Variants in CELF2 observed in about 807,000 individuals in gnomAD.
CELF2 encodes the protein CUG triplet repeat RNA-binding protein 2.
CELF2 carries 8 observed loss-of-function variants against 62.6 expected under a neutral mutation model. The ratio of observed to expected loss-of-function variants is 0.13; its 90% CI spans 0.07 to 0.23. CELF2 has a LOEUF of 0.23. Ranked by LOEUF, CELF2 falls within the 10% of genes least tolerant of loss-of-function variation. The pLI is 1.00. For missense variants in CELF2, 333 were observed against 671.0 expected (o/e 0.50, Z 5.56); for synonymous variants, 258 against 250.0 (o/e 1.03, Z -0.30).
At chr10:10,501,494 T>C in the CELF2 span, among the ~76,000 whole-genome samples, 1 of 152,214 alleles carries the variant, frequency 6.6e-6, no homozygotes, top group Non-Finnish European at 1.5e-5. Flanking sequence ...GAATTCTTTA[T>C]ACATTCTGAA....
chr10:10,939,274 GTGGTGTTGTTGT>G (rs2046768021), intron 2 of CELF2, among the ~76,000 whole-genome samples: 1 of 98,720 alleles, frequency 1.0e-5, no homozygotes, highest in African/African-American at 6.7e-5. Flanking sequence ...CTTTTGTTTT[GTGGTGTTGTTGT>G]TGTTGTTGTT....
chr10:10,681,069 T>C, the CELF2 span, among the ~76,000 whole-genome samples: 4 of 152,312 alleles, frequency 2.6e-5, no homozygotes, highest in Admixed American at 2.6e-4. Flanking sequence ...GAATTAATGA[T>C]CTAGATATTC....
At chr10:10,612,489 G>GA in the CELF2 span, among the ~76,000 whole-genome samples, 1 of 152,062 alleles carries the variant, frequency 6.6e-6, no homozygotes, top group African/African-American at 2.4e-5. Flanking sequence ...GCCAGAGGGA[G>GA]AAAATGAACC....
At chr10:10,655,798 G>A in the CELF2 span, among the ~76,000 whole-genome samples, 10,845 of 134,312 alleles carry the variant, frequency 0.081, 939 homozygotes, top group East Asian at 0.22. Flanking sequence ...TTACCATTCA[G>A]GACATAGGCA....
intron 1 of CELF2, among the ~76,000 whole-genome samples, chr10:10,905,921 C>T (rs1242536791): frequency 1.3e-5 from 2 of 149,136 alleles, no homozygotes; most frequent in African/African-American, 2.5e-5. Context: ...GAAAAAAATA[C>T]TTAGCCGGGC....
At chr10:11,291,468 A>C (rs551884209) in intron 9 of CELF2, among the ~76,000 whole-genome samples, 1 of 152,354 alleles carries the variant, frequency 6.6e-6, no homozygotes, top group South Asian at 2.1e-4. Context: ...AAATTAAAAT[A>C]GTTTAAATTG....
intron 1 of CELF2, among the ~76,000 whole-genome samples, chr10:11,087,657 G>A (rs1176284166): frequency 1.3e-5 from 2 of 152,212 alleles, no homozygotes; most frequent in Admixed American, 1.3e-4. Context: ...TATTCAGTCA[G>A]TAGGAATAAT....
the CELF2 span, among the ~76,000 whole-genome samples, chr10:10,475,476 CAAA>C: frequency 2.5e-4 from 36 of 143,458 alleles, no homozygotes; most frequent in Non-Finnish European, 2.6e-4. Context: ...CTTGGCCACT[CAAA>C]AAAAAAAAAA....
chr10:11,244,309 A>AGGGAT lies in CELF2; in HGVS notation c.355-4844_355-4843insGGGAT, dbSNP rs2074941389. ...TGTCCAGCCTATGAACATATCCCTC[A>AGGGAT]CTGTTAGTCTTGTGCTTTAGGTGTC... On this transcript the variant is annotated intron_variant, in intron 3 of 12. Transcript: ENST00000633077. This position sits in a 1 kb window ranked among gnomAD's most constrained non-coding sequence, Gnocchi z 4.2. 6.6e-6 allele frequency among the ~76,000 whole-genome samples: 1 copy of AGGGAT among 152,172 alleles called. No individual in the cohort carries two copies. The highest frequency in any genetic ancestry group is 6.5e-5 in the Admixed American group (1 of 15,282).
rs564400081 is a variant in CELF2 at position 10,890,795 on chromosome 10, G to A, written c.54-29169G>A. 1.1e-3 allele frequency among the ~76,000 whole-genome samples: 166 copies of A among 152,284 alleles called. 1 individual carries two copies. The highest frequency in any genetic ancestry group is 5.0e-4 in the Non-Finnish European group (34 of 68,020). On this transcript the variant is annotated intron_variant, in intron 1 of 13. Transcript: ENST00000636488. The stretch of plus-strand genomic sequence containing the variant: ...TTTGGGAGGCCAAAGCGGGCGGATC[G>A]CCTGAGGTGAGGAGTTCAAGACCAG...
chr10:10,814,907 G>T (rs796271587), intron 1 of CELF2, among the ~76,000 whole-genome samples: 1 of 152,174 alleles, frequency 6.6e-6, no homozygotes, highest in Non-Finnish European at 1.5e-5. Flanking sequence ...AGCACCTAGG[G>T]CATGAAGACC....
At chr10:11,139,238 C>T (rs188340818) in intron 1 of CELF2, among the ~76,000 whole-genome samples, 1 of 152,228 alleles carries the variant, frequency 6.6e-6, no homozygotes, top group East Asian at 1.9e-4. Context: ...ATGAAGAAAA[C>T]TATCAGAATT....
chr10:10,728,793 G>T, the CELF2 span, among the ~76,000 whole-genome samples: 10 of 152,280 alleles, frequency 6.6e-5, no homozygotes, highest in Admixed American at 2.6e-4. Context: ...ACATCCTAAA[G>T]GTAGATTTCT....
intron 1 of CELF2, among the ~76,000 whole-genome samples, chr10:10,917,580 G>A (rs111614706): frequency 0.082 from 12,457 of 151,956 alleles, 1,093 homozygotes; most frequent in African/African-American, 0.22. Flanking sequence ...GGCTCAAGCC[G>A]TCCTCCTGCC....
chr10:10,826,207 C>A (rs537345509), intron 1 of CELF2, among the ~76,000 whole-genome samples: 1 of 152,110 alleles, frequency 6.6e-6, no homozygotes, highest in African/African-American at 2.4e-5. Context: ...CCTGGATGCC[C>A]ATTTCTCTTG....
the CELF2 span, among the ~76,000 whole-genome samples, chr10:10,515,247 A>G: frequency 1.3e-5 from 2 of 152,208 alleles, no homozygotes; most frequent in Admixed American, 1.3e-4. Flanking sequence ...TCAATTCTGT[A>G]TGTGTAATGA....
the CELF2 span, among the ~76,000 whole-genome samples, chr10:10,643,400 G>T: frequency 6.6e-6 from 1 of 152,064 alleles, no homozygotes; most frequent in African/African-American, 2.4e-5. Context: ...CCCTGCACAT[G>T]CTCTCTTGCC....
intron 9 of CELF2, among the ~76,000 whole-genome samples, chr10:11,310,303 T>A (rs1238661656): frequency 6.6e-6 from 1 of 152,206 alleles, no homozygotes; most frequent in Non-Finnish European, 1.5e-5. Context: ...TAGCCCCATC[T>A]TCTTGGCCAT....
chr10:10,708,841 C>A, the CELF2 span, among the ~76,000 whole-genome samples: 1 of 152,052 alleles, frequency 6.6e-6, no homozygotes, highest in Non-Finnish European at 1.5e-5. Context: ...TTCACCTTGA[C>A]CCCTCCAAAC....
Sources: gnomAD v4.1 joint callset for allele counts (sites outside exome capture counted in the v4.1 genomes callset) on GRCh38, gnomAD v4.1.1 for gene constraint, Gnocchi (gnomAD v3.1) non-coding constraint, MANE v1.5 for transcripts, NCBI Gene and HGNC (gene_info 2026-07-23, HGNC 2026-07-21) for gene names.